Variants in BRCA1 observed in about 807,000 individuals in gnomAD.
BRCA1 encodes the protein breast cancer type 1 susceptibility protein.
A neutral mutation model predicts 173.7 loss-of-function variants in BRCA1; 140 were observed. The ratio of observed to expected loss-of-function variants is 0.81; its 90% CI spans 0.70 to 0.93. BRCA1 has a LOEUF of 0.93. Among genes scored for constraint, BRCA1 ranks in the 40% least tolerant of loss-of-function variants. The pLI is 0.00. For missense variants in BRCA1, 1,983 were observed against 2,172.5 expected, an observed-to-expected ratio of 0.91 and a Z score of 1.73; for synonymous variants, 662 against 756.0, an observed-to-expected ratio of 0.88 and a Z score of 2.04.
At chr17:43,170,048 G>T in intron 1 of BRCA1, 1 of 414,638 alleles carries the variant, frequency 2.4e-6, no homozygotes, top group Non-Finnish European at 4.8e-6. Context: ...GGGCAGAGTA[G>T]ATGCAGGCAA....
intron 3 of BRCA1, among the ~76,000 whole-genome samples, chr17:43,112,232 G>C (rs2055068400): frequency 6.6e-6 from 1 of 152,038 alleles, no homozygotes. Context: ...TGGGACTACA[G>C]GCATGTGCCC....
At chr17:43,101,751 C>T (rs976049374) in intron 6 of BRCA1, among the ~76,000 whole-genome samples, 15 of 152,164 alleles carry the variant, frequency 9.9e-5, no homozygotes, top group Admixed American at 2.0e-4. Context: ...ATCTGCCTGC[C>T]TCAGCCTCCC....
At chr17:43,052,963 A>G in intron 19 of BRCA1, among the ~76,000 whole-genome samples, 1 of 145,346 alleles carries the variant, frequency 6.9e-6, no homozygotes, top group East Asian at 2.0e-4. Context: ...TGCAACCTCC[A>G]CCTCCTGGGT....
rs1271708629 is a variant in BRCA1, at chr17:43,079,203, A to AC, written c.4358-2590_4358-2589insG. 4.3e-5 allele frequency: 33 copies of AC among 759,504 alleles called. 1 individual carries two copies. The highest frequency in any genetic ancestry group is 1.5e-4 in the South Asian group (10 of 65,582). The allele number at this position is 759,504 out of a possible 1,614,324, so 47.0% of individuals were successfully genotyped here. ...CAAAAACAAAACAAAACAAAACAAA[A>AC]AAAATGAAAGGCAGAGGGAAGGCTC... On this transcript the variant is annotated intron_variant, in intron 12 of 22. Transcript: ENST00000357654.
intron 16 of BRCA1, among the ~76,000 whole-genome samples, chr17:43,066,685 T>C (rs1413235386): frequency 6.7e-6 from 1 of 149,516 alleles, no homozygotes; most frequent in African/African-American, 2.5e-5. Flanking sequence ...CTGGGATTAC[T>C]GATGCGAGCC....
chr17:43,125,111 T>TCCCCCCCCCCCCCCCCCCCCC, intron 1 of BRCA1, 160 bp downstream of exon 1: 1 of 423,314 alleles, frequency 2.4e-6, no homozygotes, highest in Admixed American at 2.5e-5. Flanking sequence ...ACCTACAAAC[T>TCCCCCCCCCCCCCCCCCCCCC]GCCCCCCTCC....
chr17:43,131,284 T>TA (rs748064415), intron 1 of BRCA1: 121 of 462,922 alleles, frequency 2.6e-4, no homozygotes, highest in Middle Eastern at 4.6e-4. Flanking sequence ...AAGTATATTA[T>TA]GGTACTTATT....
intron 1 of BRCA1, among the ~76,000 whole-genome samples, chr17:43,169,061 G>A (rs918976020): frequency 1.3e-5 from 2 of 152,128 alleles, no homozygotes; most frequent in African/African-American, 4.8e-5. Flanking sequence ...TAGCACAAAT[G>A]GATCCAGTTC....
At chr17:43,101,882 C>A (rs1156524657) in intron 6 of BRCA1, among the ~76,000 whole-genome samples, 1 of 152,090 alleles carries the variant, frequency 6.6e-6, no homozygotes, top group Non-Finnish European at 1.5e-5. Context: ...TTTTCTTTAA[C>A]AATTACACCT....
At chr17:43,143,701 CCGTTATGGAACAGTG>C (rs2154581499) in intron 1 of BRCA1, among the ~76,000 whole-genome samples, 1 of 152,178 alleles carries the variant, frequency 6.6e-6, no homozygotes, top group East Asian at 1.9e-4. Flanking sequence ...CATTCTGCTG[CCGTTATGGAACAGTG>C]CATCTATGGA....
chr17:43,129,255 C>G (rs1467982484), upstream of BRCA1, among the ~76,000 whole-genome samples: 5 of 152,212 alleles, frequency 3.3e-5, no homozygotes, highest in Admixed American at 2.0e-4. Context: ...GATTAATGCT[C>G]TTGCTGAAAG....
At chr17:43,139,854 C>T in intron 1 of BRCA1, 1 of 468,782 alleles carries the variant, frequency 2.1e-6, no homozygotes, top group Middle Eastern at 3.2e-4. Context: ...ATCTGTGTTC[C>T]TACAAAAGAG....
At position 43,092,686 on chromosome 17, in the gene BRCA1, C is replaced by T. The variant is rs1324818767; in HGVS notation, c.2845G>A (p.Gly949Ser). ...VDNAKCSIKGGSRFCLSSQFR... is the reference protein window; with the variant it reads ...VDNAKCSIKGSSRFCLSSQFR... ...TGAGATGATAGACAAAACCTAGAGC[C>T]TCCTTTGATACTACATTTGGCATTA... The change falls in exon 10 of 23, where the codon GGC (glycine) becomes AGC (serine). Residue 949 changes from glycine to serine, a missense_variant. Transcript: ENST00000357654. The T allele has an allele frequency of 6.2e-7, 1 of 1,614,110 alleles. No homozygotes were observed.
rs34250703 is a variant in BRCA1 at position 43,074,719 on chromosome 17, GGGGTT to G, written c.4485-203_4485-199del. On this transcript the variant is annotated intron_variant, in intron 13 of 22. Coordinates refer to ENST00000357654, the MANE Select transcript of BRCA1 (RefSeq NM_007294.4). ...ATATGTCAGGGTTGACATATAACAT[GGGGTT>G]GGGTTGGTCTGAGGCACCATATCTC... Among the ~76,000 whole-genome samples, 45,371 of 151,754 alleles carry G rather than the reference GGGGTT, an allele frequency of 0.3. 7,306 individuals carry two copies. Among genetic ancestry groups the G allele is most frequent in the South Asian group, 0.49 (2,363 of 4,814 alleles).
chr17:43,081,491 C>T (rs957381428), intron 12 of BRCA1, among the ~76,000 whole-genome samples: 3 of 152,212 alleles, frequency 2.0e-5, no homozygotes, highest in Non-Finnish European at 2.9e-5. Context: ...GACTGTGGAA[C>T]GGGGTGCTGA....
rs117151230 is a variant in BRCA1, at chr17:43,052,883, T to G, written c.5278-1766A>C. ...GCAGTAGGACAAGTCTGTGTGTTTT[T>G]TTTTTTTTTTTGAGACGCAGTCTTG... On this transcript the variant is annotated intron_variant, in intron 19 of 22. Coordinates refer to ENST00000357654, the MANE Select transcript of BRCA1 (RefSeq NM_007294.4). 0.01 allele frequency among the ~76,000 whole-genome samples: 1,546 copies of G among 150,728 alleles called. 99 individuals carry two copies. In the East Asian group the frequency reaches 0.18, roughly 18 times the overall value.
intron 1 of BRCA1, among the ~76,000 whole-genome samples, chr17:43,135,686 C>T (rs989066277): frequency 2.0e-5 from 3 of 152,176 alleles, no homozygotes; most frequent in African/African-American, 7.2e-5. Context: ...TCTAAAGCCT[C>T]GGCTCCAACC....
At position 43,062,062 on chromosome 17, in the gene BRCA1, T is replaced by C. The variant is rs8176264; in HGVS notation, c.5193+1271A>G. On this transcript the variant is annotated intron_variant, in intron 18 of 22. Coordinates refer to ENST00000357654, the MANE Select transcript of BRCA1 (RefSeq NM_007294.4). Reference sequence around the variant, plus strand: ...TGAATTATAAACAGATACATTTGCATGTATATATATGTATATATGCATATG... The same window carrying C: ...TGAATTATAAACAGATACATTTGCACGTATATATATGTATATATGCATATG... Among the ~76,000 whole-genome samples, 2,158 of 152,260 alleles carry C rather than the reference T, an allele frequency of 0.014. 70 individuals are homozygous for C. The highest frequency in any genetic ancestry group is 0.05 in the African/African-American group (2,067 of 41,522).
chr17:43,056,751 T>C (rs1170453597), intron 19 of BRCA1, among the ~76,000 whole-genome samples: 5 of 152,074 alleles, frequency 3.3e-5, no homozygotes, highest in African/African-American at 4.8e-5. Context: ...AGCAAAGTCT[T>C]TAGATTCTCA....
Sources: gnomAD v4.1 joint callset for allele counts (sites outside exome capture counted in the v4.1 genomes callset) on GRCh38, gnomAD v4.1.1 for gene constraint, MANE v1.5 for transcripts, NCBI Gene and HGNC (gene_info 2026-07-23, HGNC 2026-07-21) for gene names.